Variants in LRRTM4 observed in about 807,000 individuals in gnomAD.
LRRTM4 encodes leucine rich repeat transmembrane neuronal 4, also known as leucine-rich repeat transmembrane neuronal protein 4.
LRRTM4 carries 25 observed loss-of-function variants against 47.6 expected under a neutral mutation model. The observed-to-expected ratio is 0.53, with a 90% CI of 0.38 to 0.73. The LOEUF (loss-of-function observed/expected upper bound fraction) is 0.73, where lower values mean the gene tolerates loss of function less well. Among genes scored for constraint, LRRTM4 ranks in the 30% least tolerant of loss-of-function variants. The pLI, the probability that LRRTM4 is intolerant of heterozygous loss-of-function variation, is 0.00. For synonymous variants in LRRTM4, 311 were observed against 269.5 expected (o/e 1.15, Z -1.51); for missense variants, 638 against 713.4 (o/e 0.89, Z 1.20).
chr2:76,988,396 A>G (rs1284012974), intron 3 of LRRTM4, among the ~76,000 whole-genome samples: 1 of 151,814 alleles, frequency 6.6e-6, no homozygotes, highest in Non-Finnish European at 1.5e-5. Context: ...GCTGATGATG[A>G]TAATATCCTT....
intron 3 of LRRTM4, among the ~76,000 whole-genome samples, chr2:77,320,399 A>G (rs1411314323): frequency 6.6e-6 from 1 of 152,248 alleles, no homozygotes; most frequent in East Asian, 1.9e-4. Flanking sequence ...TGGAAGGAGA[A>G]TGAAACTCTT....
At chr2:76,993,564 T>C (rs1021663918) in intron 3 of LRRTM4, among the ~76,000 whole-genome samples, 1 of 151,936 alleles carries the variant, frequency 6.6e-6, no homozygotes, top group African/African-American at 2.4e-5. Context: ...ACATATTATC[T>C]CACATAAGTC....
intron 3 of LRRTM4, among the ~76,000 whole-genome samples, chr2:77,334,703 A>G (rs1356148959): frequency 6.6e-6 from 1 of 152,096 alleles, no homozygotes; most frequent in African/African-American, 2.4e-5. Context: ...GACTAATACA[A>G]ATACAGTTAG....
At chr2:77,281,631 C>T (rs1676508456) in intron 3 of LRRTM4, among the ~76,000 whole-genome samples, 1 of 151,690 alleles carries the variant, frequency 6.6e-6, no homozygotes, top group African/African-American at 2.4e-5. Context: ...CAGCTGTTCT[C>T]AACTGCTAAA....
rs1675430946 is a variant in LRRTM4, at chr2:76,949,475, C to G, written c.1552-200559G>C. Reference sequence around the variant, plus strand: ...TACCCCAAGGAGAGAACAATTTATTCTGCTTGAATAGTTCACAGAACACTT... The same window carrying G: ...TACCCCAAGGAGAGAACAATTTATTGTGCTTGAATAGTTCACAGAACACTT... On this transcript the variant is annotated intron_variant, in intron 3 of 3. Transcript: ENST00000409884. Among the ~76,000 whole-genome samples the G allele has an allele frequency of 4.6e-5, 7 of 151,912 alleles. 1 individual carries two copies. The South Asian group carries it at 1.5e-3, about 32-fold the overall frequency.
At chr2:76,971,412 A>G (rs994249471) in intron 3 of LRRTM4, among the ~76,000 whole-genome samples, 1 of 152,046 alleles carries the variant, frequency 6.6e-6, no homozygotes, top group Non-Finnish European at 1.5e-5. Context: ...TAGATGATTA[A>G]CAGGGGCTAA....
intron 3 of LRRTM4, among the ~76,000 whole-genome samples, chr2:77,029,046 C>CAA (rs1275380644): frequency 2.3e-5 from 3 of 132,438 alleles, no homozygotes; most frequent in African/African-American, 5.5e-5. Flanking sequence ...CACACACACA[C>CAA]ACACAAATAT....
At chr2:77,486,338 G>A (rs955837134) in intron 3 of LRRTM4, among the ~76,000 whole-genome samples, 69 of 152,178 alleles carry the variant, frequency 4.5e-4, no homozygotes, top group Non-Finnish European at 1.3e-4. Flanking sequence ...GGGCAGAGCA[G>A]TTGGTAAATT....
At chr2:76,782,808 G>C (rs183085347) in intron 3 of LRRTM4, among the ~76,000 whole-genome samples, 10 of 152,274 alleles carry the variant, frequency 6.6e-5, no homozygotes, top group African/African-American at 2.4e-4. Flanking sequence ...AGGGTCAACT[G>C]TTTAACACCT....
At chr2:77,409,125 A>G (rs78741865) in intron 3 of LRRTM4, among the ~76,000 whole-genome samples, 2,539 of 152,256 alleles carry the variant, frequency 0.017, 61 homozygotes, top group African/African-American at 0.052. Context: ...CTAGATAACA[A>G]TAGTTTTTCT....
chr2:77,050,626 G>A (rs540383962), intron 3 of LRRTM4, among the ~76,000 whole-genome samples: 16 of 152,200 alleles, frequency 1.1e-4, no homozygotes, highest in African/African-American at 2.9e-4. Flanking sequence ...TAACTCCTTG[G>A]AACTCTTAGA....
chr2:76,900,915 G>A (rs1381704790), intron 3 of LRRTM4, among the ~76,000 whole-genome samples: 2 of 152,118 alleles, frequency 1.3e-5, no homozygotes, highest in Non-Finnish European at 1.5e-5. Context: ...TTAGAATTTT[G>A]AAAGACCTAA....
At chr2:77,257,717 AACACACACACACAC>A (rs57315997) in intron 3 of LRRTM4, among the ~76,000 whole-genome samples, 3 of 146,800 alleles carry the variant, frequency 2.0e-5, no homozygotes, top group African/African-American at 7.5e-5. Context: ...TTAAAAATAC[AACACACACACACAC>A]ACACACACAC....
At chr2:76,837,827 A>G (rs1671559615) in intron 3 of LRRTM4, among the ~76,000 whole-genome samples, 1 of 151,934 alleles carries the variant, frequency 6.6e-6, no homozygotes, top group South Asian at 2.1e-4. Context: ...TCAGTAAACT[A>G]TTGCAAGGAC....
intron 3 of LRRTM4, among the ~76,000 whole-genome samples, chr2:77,123,529 C>T (rs1671573268): frequency 1.3e-5 from 2 of 151,876 alleles, no homozygotes; most frequent in Admixed American, 6.6e-5. Flanking sequence ...CCTAAAATAG[C>T]AAAGATTCAT....
intron 3 of LRRTM4, among the ~76,000 whole-genome samples, chr2:77,006,871 G>T (rs1010864658): frequency 7.9e-5 from 12 of 152,022 alleles, no homozygotes. Context: ...TAATCCTGTG[G>T]AGACTCGTTA....
intron 3 of LRRTM4, among the ~76,000 whole-genome samples, chr2:77,509,385 C>T (rs187061650): frequency 3.9e-4 from 60 of 152,182 alleles, no homozygotes; most frequent in African/African-American, 1.4e-3. Context: ...ATTATAAATG[C>T]TGCTTTCTTT....
At chr2:77,358,043 C>A (rs1008776121) in intron 3 of LRRTM4, among the ~76,000 whole-genome samples, 1 of 152,100 alleles carries the variant, frequency 6.6e-6, no homozygotes, top group African/African-American at 2.4e-5. Context: ...ATACTTAAAT[C>A]ATTTCTTTAA....
At chr2:77,295,905 A>G (rs563325666) in intron 3 of LRRTM4, among the ~76,000 whole-genome samples, 2 of 152,308 alleles carry the variant, frequency 1.3e-5, no homozygotes, top group South Asian at 4.1e-4. Context: ...GGAATTAGTA[A>G]TTGAACATAT....
Sources: gnomAD v4.1 joint callset for allele counts (sites outside exome capture counted in the v4.1 genomes callset) on GRCh38, gnomAD v4.1.1 for gene constraint, MANE v1.5 for transcripts, NCBI Gene and HGNC (gene_info 2026-07-23, HGNC 2026-07-21) for gene names.